Variants in DACH2 observed in about 807,000 individuals in gnomAD.
The protein encoded by DACH2 is dachshund homolog 2.
In DACH2, 17 loss-of-function variants were observed where a neutral mutation model predicts 35.8. The ratio of observed to expected loss-of-function variants is 0.48; its 90% CI spans 0.33 to 0.71. DACH2 has a LOEUF of 0.71. DACH2 is among the 30% of genes least tolerant of loss of function. The pLI is 0.02. For synonymous variants in DACH2, 195 were observed against 177.3 expected (o/e 1.10, Z -0.79); for missense variants, 469 against 472.7 (o/e 0.99, Z 0.07).
intron 5 of DACH2, among the ~76,000 whole-genome samples, chrX:86,708,086 T>A (rs1171166524): frequency 9.2e-6 from 1 of 108,353 alleles, no homozygotes; most frequent in African/African-American, 3.4e-5. Flanking sequence ...GAAAATACAA[T>A]ACCCATTCAT....
At chrX:86,611,128 G>C (rs1487655240) in intron 3 of DACH2, among the ~76,000 whole-genome samples, 1 of 109,261 alleles carries the variant, frequency 9.2e-6, no homozygotes, top group Non-Finnish European at 1.9e-5. Flanking sequence ...TATTCAGCAG[G>C]TGATGGGTTC....
At chrX:86,195,648 C>T (rs1165495256) in intron 1 of DACH2, among the ~76,000 whole-genome samples, 1 of 112,040 alleles carries the variant, frequency 8.9e-6, no homozygotes, top group Non-Finnish European at 1.9e-5. Flanking sequence ...GTCCCTTTGT[C>T]ACAACACTAT....
chrX:86,300,786 A>G (rs771699594), intron 1 of DACH2, among the ~76,000 whole-genome samples: 1 of 112,373 alleles, frequency 8.9e-6, no homozygotes, highest in South Asian at 3.7e-4. Context: ...ATACTTGACT[A>G]TACAATTTAT....
chrX:86,177,253 TTAGAAA>T (rs986361722), intron 1 of DACH2, among the ~76,000 whole-genome samples: 3 of 112,312 alleles, frequency 2.7e-5, no homozygotes, highest in Non-Finnish European at 5.6e-5. Context: ...AGTGAAGAAC[TTAGAAA>T]TAGTCATGAT....
chrX:86,685,040 A>G (rs2040925434), intron 4 of DACH2, among the ~76,000 whole-genome samples: 1 of 112,023 alleles, frequency 8.9e-6, no homozygotes, highest in African/African-American at 3.2e-5. Flanking sequence ...AAAACTGATG[A>G]CCTTTACAAT....
intron 1 of DACH2, among the ~76,000 whole-genome samples, chrX:86,312,593 A>G (rs762074988): frequency 1.8e-5 from 2 of 111,720 alleles, no homozygotes; most frequent in Non-Finnish European, 3.8e-5. Flanking sequence ...TCTACCCTTA[A>G]TCTGGTGTGC....
chrX:86,373,646 G>A (rs73520091), intron 1 of DACH2, among the ~76,000 whole-genome samples: 2,911 of 110,883 alleles, frequency 0.026, 69 homozygotes, highest in East Asian at 0.21. Flanking sequence ...GAATTTCCTC[G>A]TCTGTTAAAT....
intron 4 of DACH2, among the ~76,000 whole-genome samples, chrX:86,679,580 G>GGTTTTA (rs1316753313): frequency 9.6e-6 from 1 of 104,078 alleles, no homozygotes; most frequent in East Asian, 3.0e-4. Context: ...GCCAGGCATA[G>GGTTTTA]GTTTTATATG....
At chrX:86,527,559 T>G (rs986406853) in intron 3 of DACH2, among the ~76,000 whole-genome samples, 4 of 112,735 alleles carry the variant, frequency 3.5e-5, no homozygotes, top group Non-Finnish European at 5.6e-5. Context: ...GCAAGTATTT[T>G]ATGGTATGAA....
rs921343092 is a variant in DACH2, at chrX:86,321,005, C to T, written c.489-55819C>T. ...ATGGTCTGAAAAATTCAGTAATGCC[C>T]AATAATCCCCTTAACTGTTAAAGGA... On this transcript the variant is annotated intron_variant, in intron 1 of 11. Transcript: ENST00000373125. Among the ~76,000 whole-genome samples, 7 of 111,588 alleles carry T rather than the reference C, an allele frequency of 6.3e-5. No individual in the cohort carries two copies. The East Asian group carries it at 1.7e-3, about 27-fold the overall frequency.
At chrX:86,289,571 C>CT (rs1371468628) in intron 1 of DACH2, among the ~76,000 whole-genome samples, 7 of 67,048 alleles carry the variant, frequency 1.0e-4, no homozygotes, top group Non-Finnish European at 1.9e-4. Flanking sequence ...TCCCTCCCCC[C>CT]TCCCCCCACC....
intron 7 of DACH2, among the ~76,000 whole-genome samples, chrX:86,762,852 T>C (rs1246671333): frequency 1.8e-5 from 2 of 111,723 alleles, no homozygotes; most frequent in Non-Finnish European, 3.8e-5. Flanking sequence ...AAATGTACAA[T>C]TGCATTATTA....
chrX:86,706,670 G>A (rs1353746284), intron 5 of DACH2, among the ~76,000 whole-genome samples: 1 of 110,074 alleles, frequency 9.1e-6, no homozygotes, highest in South Asian at 3.8e-4. Context: ...GGAATTAAAC[G>A]AGAAGCCAAT....
chrX:86,626,704 G>A (rs1332887892), intron 3 of DACH2, among the ~76,000 whole-genome samples: 1 of 113,121 alleles, frequency 8.8e-6, no homozygotes, highest in Admixed American at 9.3e-5. Context: ...AACATCATGT[G>A]GAAGCCACAA....
chrX:86,216,920 C>G (rs1033023533), intron 1 of DACH2, among the ~76,000 whole-genome samples: 2 of 109,903 alleles, frequency 1.8e-5, no homozygotes, highest in South Asian at 3.9e-4. Context: ...CGTAGCGAAA[C>G]CTGACTCTAA....
intron 1 of DACH2, among the ~76,000 whole-genome samples, chrX:86,264,771 C>T (rs893045584): frequency 1.8e-5 from 2 of 111,564 alleles, no homozygotes; most frequent in East Asian, 2.8e-4. Context: ...GAGGCCTGGT[C>T]GTGTTATGAA....
chrX:86,660,308 G>A (rs751581411), intron 4 of DACH2, among the ~76,000 whole-genome samples: 14 of 110,852 alleles, frequency 1.3e-4, no homozygotes, highest in South Asian at 3.8e-4. Context: ...GATTAGATTC[G>A]CCTGACAAGA....
chrX:86,776,880 T>G (rs927692347), intron 7 of DACH2, among the ~76,000 whole-genome samples: 13 of 111,587 alleles, frequency 1.2e-4, no homozygotes, highest in African/African-American at 4.2e-4. Context: ...GAATGATGGT[T>G]TCCAGCTTCA....
At chrX:86,263,184 CAGA>C (rs1018842060) in intron 1 of DACH2, among the ~76,000 whole-genome samples, 8 of 111,573 alleles carry the variant, frequency 7.2e-5, no homozygotes, top group African/African-American at 9.8e-5. Context: ...CTGGTGATTG[CAGA>C]AGGAGGATTA....
Sources: allele counts gnomAD v4.1 joint callset (sites outside exome capture counted in the v4.1 genomes callset), GRCh38; gene constraint gnomAD v4.1.1; transcripts MANE v1.5; gene names NCBI Gene and HGNC (gene_info 2026-07-23, HGNC 2026-07-21).